PDE4A: variants seen among roughly 807,000 people sequenced by gnomAD.
PDE4A encodes the protein 3',5'-cyclic-AMP phosphodiesterase 4A.
Under a neutral mutation model 73.9 loss-of-function variants are expected in PDE4A, and 21 were observed. That is an observed-to-expected ratio of 0.28 (90% CI 0.20 to 0.41). PDE4A has a LOEUF of 0.41. Ranked by LOEUF, PDE4A falls within the 10% of genes least tolerant of loss-of-function variation. The pLI is 1.00. For synonymous variants in PDE4A, 463 were observed against 505.4 expected, an observed-to-expected ratio of 0.92 and a Z score of 1.13; for missense variants, 958 against 1,211.4, an observed-to-expected ratio of 0.79 and a Z score of 3.10.
chr19:10,459,874 TTC>T (rs1210327614), intron 10 of PDE4A, 115 bp downstream of exon 10: 16 of 1,228,544 alleles, frequency 1.3e-5, no homozygotes, highest in East Asian at 7.6e-5. Flanking sequence ...TTGACGCCAT[TTC>T]TCTCTCTTTT....
chr19:10,458,163 G>A lies in PDE4A; in HGVS notation c.1101+61G>A, dbSNP rs2043202663. On this transcript the variant is annotated intron_variant, in intron 8 of 14. Coordinates refer to ENST00000380702, the MANE Select transcript of PDE4A (RefSeq NM_001111307.2). This position sits in a 1 kb window ranked among gnomAD's most constrained non-coding sequence, Gnocchi z 4.6. Reference sequence around the variant, plus strand: ...GGTGGTCTCCTGGGACCCTGAGAAGGACTGGGCATTGGGTTATGTCTTAGG... The same window carrying A: ...GGTGGTCTCCTGGGACCCTGAGAAGAACTGGGCATTGGGTTATGTCTTAGG... 2.0e-6 allele frequency: 3 copies of A among 1,509,748 alleles called. No homozygotes were observed. The highest frequency in any genetic ancestry group is 2.8e-5 in the African/African-American group (2 of 72,724). The allele number at this position is 1,509,748 out of a possible 1,614,324, so 93.5% of individuals were successfully genotyped here.
Position 10,458,032 on chromosome 19 carries a change from G to A in PDE4A, c.1031G>A (p.Ser344Asn). 6.2e-7 allele frequency: 1 copy of A among 1,613,904 alleles called. No individual in the cohort carries two copies. The highest frequency in any genetic ancestry group is 8.5e-7 in the Non-Finnish European group (1 of 1,180,026). Residue 344 changes from serine (S) to asparagine (N), a missense_variant, in exon 8 of 15, where the codon AGT (serine) becomes AAT (asparagine). This residue lies in a region of PDE4A where 570 missense variants were observed against 827.7 expected (regional missense o/e 0.69). Coordinates refer to ENST00000380702, the MANE Select transcript of PDE4A (RefSeq NM_001111307.2). This position sits in a 1 kb window ranked among gnomAD's most constrained non-coding sequence, Gnocchi z 4.6. ...QITGLKKLMH[S>N]NSLNNSNIPR... is the part of the protein sequence containing the mutation. ...ACAGGGTTGAAAAAGTTGATGCATA[G>A]TAACAGCCTGAACAACTCTAACATT...
upstream of PDE4A, chr19:10,417,351 G>A: frequency 1.0e-6 from 1 of 985,328 alleles, no homozygotes; most frequent in Non-Finnish European, 1.2e-6. Context: ...AGGTTGGGAA[G>A]AGACCCTAAA....
At chr19:10,442,619 G>A (rs552156088) in intron 1 of PDE4A, among the ~76,000 whole-genome samples, 4 of 151,988 alleles carry the variant, frequency 2.6e-5, no homozygotes, top group Admixed American at 6.6e-5. Flanking sequence ...AGGCCAAAGC[G>A]GGAGGATCTC....
Position 10,420,891 on chromosome 19 carries a change from A to C in PDE4A, c.127A>C (p.Ile43Leu), listed in dbSNP as rs2042641055. 6.3e-7 allele frequency: 1 copy of C among 1,589,144 alleles called. No homozygotes were observed. Among genetic ancestry groups the C allele is most frequent in the African/African-American group, 1.4e-5 (1 of 73,720 alleles). The change falls in exon 1 of 15, where the codon ATC (isoleucine) becomes CTC (leucine). Residue 43 changes from isoleucine to leucine, a missense_variant. By Grantham distance (5) the Ile-to-Leu change is conservative (BLOSUM62 2). Coordinates refer to ENST00000380702, the MANE Select transcript of PDE4A (RefSeq NM_001111307.2). This position sits in a 1 kb window ranked among gnomAD's most constrained non-coding sequence, Gnocchi z 6.0. ...LWRQPRTPIR[I>L]QQRGYSDSAE... ...GCGGCAGCCTCGGACCCCCATCCGT[A>C]TCCAGCAGCGCGGCTACTCCGACAG... is the stretch of plus-strand genomic sequence containing the variant.
At chr19:10,463,068 CCTT>C (rs1358865864) in intron 13 of PDE4A, among the ~76,000 whole-genome samples, 1 of 151,892 alleles carries the variant, frequency 6.6e-6, no homozygotes, top group Non-Finnish European at 1.5e-5. Flanking sequence ...CCTTTCCTTT[CCTT>C]CTTCTTTCTC....
chr19:10,453,071 T>G lies in PDE4A; in HGVS notation c.784-1758T>G. 4.5e-6 allele frequency: 6 copies of G among 1,329,416 alleles called. No homozygotes were observed. The highest frequency in any genetic ancestry group is 3.7e-5 in the Admixed American group (1 of 27,090). 82.4% of individuals were successfully genotyped at this position (1,329,416 alleles called of 1,614,324 possible). On this transcript the variant is annotated intron_variant, in intron 6 of 14. Coordinates refer to ENST00000380702, the MANE Select transcript of PDE4A (RefSeq NM_001111307.2). The surrounding 1 kb of genome is among the most constrained non-coding windows in gnomAD (Gnocchi z 4.6). ...GTTGGGGCCCAGGGCTGGCGGGCCA[T>G]GTAACCAGGGCTGCTGCTGGGAGCG... is the stretch of plus-strand genomic sequence containing the variant.
intron 1 of PDE4A, among the ~76,000 whole-genome samples, chr19:10,432,209 CGCAGGACCCCTGCA>C (rs2042801613): frequency 2.0e-5 from 3 of 149,344 alleles, no homozygotes; most frequent in African/African-American, 7.4e-5. Context: ...CGTCCGACTC[CGCAGGACCCCTGCA>C]GGGGGAGGCA....
In PDE4A at chr19:10,457,866, C is replaced by T; in HGVS notation, c.878-13C>T. On this transcript the variant is annotated splice_polypyrimidine_tract_variant and intron_variant, in intron 7 of 14. Coordinates refer to ENST00000380702, the MANE Select transcript of PDE4A (RefSeq NM_001111307.2). ...GGTTGTTCACACTTGTTCCTGCTCC[C>T]CATCTTCTGCAGACAAACAGAATGA... 6.2e-7 allele frequency: 1 copy of T among 1,611,968 alleles called. No homozygotes were observed. The highest frequency in any genetic ancestry group is 8.5e-7 in the Non-Finnish European group (1 of 1,179,954).
chr19:10,444,800 G>A (rs1452089639), intron 1 of PDE4A, among the ~76,000 whole-genome samples: 2 of 151,704 alleles, frequency 1.3e-5, no homozygotes, highest in Admixed American at 6.6e-5. Flanking sequence ...AGCCTCCCAA[G>A]TAGCTGGGAT....
chr19:10,417,776 G>T (rs1172134954), upstream of PDE4A: 3 of 1,564,506 alleles, frequency 1.9e-6, no homozygotes, highest in African/African-American at 4.1e-5. Flanking sequence ...CTGAGCCCTC[G>T]GACCCTGGGG....
chr19:10,419,601 G>A (rs1302455084), upstream of PDE4A: 1 of 152,430 alleles, frequency 6.6e-6, no homozygotes, highest in Non-Finnish European at 1.5e-5. Flanking sequence ...TGTCTTCCTG[G>A]AGCCACAAGG....
chr19:10,444,050 T>G (rs1437484976), intron 1 of PDE4A, among the ~76,000 whole-genome samples: 5 of 148,460 alleles, frequency 3.4e-5, no homozygotes, highest in Non-Finnish European at 7.4e-5. Flanking sequence ...AAGTAAGTAG[T>G]GGGATTTTAG....
intron 6 of PDE4A, 31 bp from the exon 7 acceptor site, chr19:10,454,798 C>A: frequency 6.2e-7 from 1 of 1,613,550 alleles, no homozygotes; most frequent in Non-Finnish European, 8.5e-7. Flanking sequence ...CTTCCCCCAT[C>A]ATTTCTTCCT....
intron 1 of PDE4A, among the ~76,000 whole-genome samples, chr19:10,441,632 A>G (rs959889208): frequency 6.6e-6 from 1 of 151,576 alleles, no homozygotes; most frequent in Non-Finnish European, 1.5e-5. Flanking sequence ...TGAAGCTGCT[A>G]AGAGTTTTAT....
rs56177515 is a variant in PDE4A at position 10,428,357 on chromosome 19, CGAGAGAGA to C, written c.320+7302_320+7309del. On this transcript the variant is annotated intron_variant, in intron 1 of 14. Transcript: ENST00000380702. ...TCGATGACAGAGTGAGATCCTGTCTCGAGAGAGAGAGAGAGAGAGAGAGAGAGAGAGAG... is the reference window on the plus strand; with the variant it reads ...TCGATGACAGAGTGAGATCCTGTCTCGAGAGAGAGAGAGAGAGAGAGAGAG... 3.4e-3 allele frequency among the ~76,000 whole-genome samples: 472 copies of C among 137,268 alleles called. 2 individuals carry two copies. Among genetic ancestry groups the C allele is most frequent in the Middle Eastern group, 0.014 (4 of 284 alleles). 90.1% of individuals were successfully genotyped at this position (137,268 alleles called of 152,430 possible).
chr19:10,446,906 T>A (rs1013538180), intron 2 of PDE4A, among the ~76,000 whole-genome samples: 1 of 149,378 alleles, frequency 6.7e-6, no homozygotes, highest in African/African-American at 2.5e-5. Context: ...AGTTCCTTTT[T>A]TTTTTGAGAC....
Position 10,466,950 on chromosome 19 carries a change from G to A in PDE4A, c.1990G>A (p.Asp664Asn). The A allele has an allele frequency of 1.9e-6, 3 of 1,614,154 alleles. No homozygotes were observed. The highest frequency in any genetic ancestry group is 2.5e-6 in the Non-Finnish European group (3 of 1,180,026). The change falls in exon 15 of 15, where the codon GAT becomes AAT. Residue 664 changes from aspartate to asparagine, a missense_variant. Transcript: ENST00000380702. ...WETWADLVHP[D>N]AQEILDTLED... ...GACCTGGGCGGACCTTGTCCACCCA[G>A]ATGCCCAGGAGATCTTGGACACTTT...
chr19:10,450,705 G>T (rs1052999938), intron 5 of PDE4A, 53 bp downstream of exon 5: 2 of 1,590,058 alleles, frequency 1.3e-6, no homozygotes, highest in Admixed American at 1.8e-5. Flanking sequence ...CCCAGTGGGG[G>T]TCCCTCAGCC....
Sources: gnomAD v4.1 joint callset for allele counts (sites outside exome capture counted in the v4.1 genomes callset) on GRCh38, gnomAD v4.1.1 for gene constraint, gnomAD v4.1.1 regional missense constraint, Gnocchi (gnomAD v3.1) non-coding constraint, MANE v1.5 for transcripts, NCBI Gene and HGNC (gene_info 2026-07-23, HGNC 2026-07-21) for gene names.